Variants in TENM2 observed in about 807,000 individuals in gnomAD.
TENM2 encodes the protein teneurin transmembrane protein 2, also known as teneurin-2.
Under a neutral mutation model 245.2 loss-of-function variants are expected in TENM2, and 52 were observed. The observed-to-expected ratio is 0.21, with a 90% CI of 0.17 to 0.27. The LOEUF is 0.27. Ranked by LOEUF, TENM2 falls within the 10% of genes least tolerant of loss-of-function variation. The pLI is 1.00. For missense variants in TENM2, 3,046 were observed against 3,666.8 expected (o/e 0.83, Z 4.37); for synonymous variants, 1,363 against 1,438.9 (o/e 0.95, Z 1.19).
At chr5:168,177,567 T>A (rs930357826) in intron 13 of TENM2, among the ~76,000 whole-genome samples, 1 of 152,322 alleles carries the variant, frequency 6.6e-6, no homozygotes, top group South Asian at 2.1e-4. Context: ...CCAGGCACAA[T>A]GGCTCATGCC....
At chr5:167,671,802 GAA>G (rs1186781128) in intron 2 of TENM2, among the ~76,000 whole-genome samples, 25 of 150,438 alleles carry the variant, frequency 1.7e-4, no homozygotes, top group Non-Finnish European at 3.4e-4. Flanking sequence ...CAGAAATATA[GAA>G]TAGGCACAGA....
the TENM2 span, among the ~76,000 whole-genome samples, chr5:167,176,628 C>T: frequency 2.0e-5 from 3 of 152,298 alleles, no homozygotes; most frequent in Middle Eastern, 3.4e-3. Flanking sequence ...TATCTCTGTG[C>T]TTTGCAGTGG....
chr5:167,682,705 A>G (rs901259018), intron 2 of TENM2, among the ~76,000 whole-genome samples: 18 of 152,046 alleles, frequency 1.2e-4, no homozygotes, highest in Admixed American at 6.6e-5. Context: ...CTCACCTGCC[A>G]TTCACCTCCT....
chr5:167,342,969 C>G (rs1384141142), intron 1 of TENM2, among the ~76,000 whole-genome samples: 1 of 150,028 alleles, frequency 6.7e-6, no homozygotes, highest in East Asian at 2.0e-4. Context: ...ATTTGGAATT[C>G]TTCTATATGG....
chr5:167,288,584 A>G (rs1010550198), intron 1 of TENM2, among the ~76,000 whole-genome samples: 3 of 152,106 alleles, frequency 2.0e-5, no homozygotes, highest in Admixed American at 2.0e-4. Flanking sequence ...AGAAAAAGAA[A>G]AGAATAATGG....
chr5:167,902,795 C>G (rs1315228382), intron 3 of TENM2, among the ~76,000 whole-genome samples: 3 of 152,166 alleles, frequency 2.0e-5, no homozygotes, highest in African/African-American at 7.2e-5. Context: ...TGCTTTTGTA[C>G]TCCCCCACTT....
At chr5:167,669,731 G>A (rs1237529143) in intron 2 of TENM2, among the ~76,000 whole-genome samples, 4 of 152,130 alleles carry the variant, frequency 2.6e-5, no homozygotes, top group Non-Finnish European at 2.9e-5. Context: ...CAGGGTGGCA[G>A]ATGGGGGAGG....
the TENM2 span, among the ~76,000 whole-genome samples, chr5:166,982,923 A>T: frequency 6.6e-6 from 1 of 152,056 alleles, no homozygotes; most frequent in Admixed American, 6.5e-5. Flanking sequence ...CAGTAATTTT[A>T]TGAGTCTTAT....
At chr5:168,087,457 A>T (rs1220657482) in intron 7 of TENM2, 1 of 152,224 alleles carries the variant, frequency 6.6e-6, no homozygotes, top group Non-Finnish European at 1.5e-5. Flanking sequence ...AAGATACAAA[A>T]AATTACCCGG....
At chr5:167,994,589 T>G (rs1340159971) in intron 5 of TENM2, among the ~76,000 whole-genome samples, 1 of 152,254 alleles carries the variant, frequency 6.6e-6, no homozygotes, top group Non-Finnish European at 1.5e-5. Flanking sequence ...ATAGCTGTTC[T>G]TGTCTTAATA....
At chr5:167,025,380 A>G in the TENM2 span, among the ~76,000 whole-genome samples, 10 of 152,224 alleles carry the variant, frequency 6.6e-5, no homozygotes, top group Admixed American at 6.5e-4. Context: ...TACAAAATTT[A>G]TAGTTACAAA....
At chr5:167,577,044 C>A (rs1774742704) in intron 2 of TENM2, among the ~76,000 whole-genome samples, 1 of 152,142 alleles carries the variant, frequency 6.6e-6, no homozygotes, top group African/African-American at 2.4e-5. Flanking sequence ...GCACTAGAAA[C>A]TGAGGGGACC....
At chr5:167,103,536 T>C in the TENM2 span, among the ~76,000 whole-genome samples, 1 of 152,214 alleles carries the variant, frequency 6.6e-6, no homozygotes, top group East Asian at 1.9e-4. Flanking sequence ...TCATTTCACA[T>C]CTGAATTATC....
At chr5:167,981,491 A>G (rs1383083933) in intron 4 of TENM2, among the ~76,000 whole-genome samples, 1 of 152,232 alleles carries the variant, frequency 6.6e-6, no homozygotes, top group Non-Finnish European at 1.5e-5. Flanking sequence ...TGGGCTGGCT[A>G]GAATATTCTG....
chr5:167,971,574 G>A (rs1211328096), intron 4 of TENM2, among the ~76,000 whole-genome samples: 2 of 152,148 alleles, frequency 1.3e-5, no homozygotes, highest in Non-Finnish European at 2.9e-5. Context: ...GGTGGTGCAC[G>A]CCTATAATCC....
intron 2 of TENM2, among the ~76,000 whole-genome samples, chr5:167,706,892 G>A (rs1178014275): frequency 1.3e-5 from 2 of 151,812 alleles, no homozygotes; most frequent in Non-Finnish European, 2.9e-5. Context: ...GCAGGCGCCT[G>A]TAGTCCCAGC....
intron 2 of TENM2, among the ~76,000 whole-genome samples, chr5:167,450,501 C>T (rs1765511713): frequency 1.3e-5 from 2 of 152,098 alleles, no homozygotes; most frequent in Non-Finnish European, 2.9e-5. Context: ...TTATTTGATG[C>T]TCAGTAAATA....
intron 3 of TENM2, among the ~76,000 whole-genome samples, chr5:167,923,979 A>G (rs1320925903): frequency 1.3e-5 from 2 of 152,206 alleles, no homozygotes; most frequent in Non-Finnish European, 2.9e-5. Context: ...ATGCTTCGCA[A>G]TTGTGCCCGT....
intron 25 of TENM2, among the ~76,000 whole-genome samples, chr5:168,238,289 G>GAA (rs1315365494): frequency 2.1e-5 from 3 of 145,118 alleles, no homozygotes; most frequent in Non-Finnish European, 4.5e-5. Flanking sequence ...GAAAAGAAAA[G>GAA]AAAAGAAAAG....
Sources: gnomAD v4.1 joint callset for allele counts (sites outside exome capture counted in the v4.1 genomes callset) on GRCh38, gnomAD v4.1.1 for gene constraint, MANE v1.5 for transcripts, NCBI Gene and HGNC (gene_info 2026-07-23, HGNC 2026-07-21) for gene names.